Variants in KCNJ14 observed in about 807,000 individuals in gnomAD.
KCNJ14 encodes the protein ATP-sensitive inward rectifier potassium channel 14.
A neutral mutation model predicts 24.5 loss-of-function variants in KCNJ14; 18 were observed. That is an observed-to-expected ratio of 0.74 (90% CI 0.51 to 1.09). KCNJ14 has a LOEUF of 1.09. KCNJ14 is among the 50% of genes least tolerant of loss of function. The pLI is 0.00. For missense variants in KCNJ14, 633 were observed against 623.0 expected (o/e 1.02, Z -0.17); for synonymous variants, 288 against 270.8 (o/e 1.06, Z -0.63).
In KCNJ14 at chr19:48,464,178, C is replaced by T. The variant is rs939703501; in HGVS notation, c.715-3C>T. On this transcript the variant is annotated splice_region_variant and splice_polypyrimidine_tract_variant and intron_variant, in intron 2 of 2. Coordinates refer to ENST00000342291, the MANE Select transcript of KCNJ14 (RefSeq NM_013348.4). ...GTCTTTGGCTCCTCGCCTCCTGCTG[C>T]AGCCCCGTGTGACCCCAGAGGGTGA... 40 of 1,609,904 alleles carry T rather than the reference C, an allele frequency of 2.5e-5. No homozygotes were observed. The highest frequency in any genetic ancestry group is 3.2e-5 in the Non-Finnish European group (38 of 1,176,424).
chr19:48,463,030 A>G (rs1295391255), intron 2 of KCNJ14, among the ~76,000 whole-genome samples: 2 of 152,210 alleles, frequency 1.3e-5, no homozygotes, highest in East Asian at 3.9e-4. Flanking sequence ...TCAGTGGCCC[A>G]TTGTGTCCCA....
chr19:48,459,650 C>T (rs1195283394), intron 1 of KCNJ14, among the ~76,000 whole-genome samples: 1 of 152,172 alleles, frequency 6.6e-6, no homozygotes, highest in East Asian at 1.9e-4. Flanking sequence ...CCTGCTTCAG[C>T]CTCCCAAAGC....
At chr19:48,457,758 A>G (rs936687942) in intron 1 of KCNJ14, among the ~76,000 whole-genome samples, 1 of 151,282 alleles carries the variant, frequency 6.6e-6, no homozygotes, top group Non-Finnish European at 1.5e-5. Flanking sequence ...GCTCACTGCA[A>G]CCTCCACCTC....
In KCNJ14 at chr19:48,466,098, G is replaced by A. The variant is rs1014949162; in HGVS notation, c.*1321G>A. 1.4e-5 allele frequency: 1 copy of A among 72,932 alleles called. No homozygotes were observed. Among genetic ancestry groups the A allele is most frequent in the Non-Finnish European group, 2.8e-5 (1 of 36,362 alleles). The allele number at this position is 72,932 out of a possible 1,614,324, so 4.5% of individuals were successfully genotyped here. A position where few individuals can be genotyped will look rare whatever the true frequency, so the allele number is the denominator to read the frequency against. On this transcript the variant is annotated 3_prime_UTR_variant, in exon 3 of 3. Transcript: ENST00000342291. ...TTCTTTTTCTTTTTTTTTTTTTTTT[G>A]AGACTGAGTCTCGCTCTGCCGCCCA...
At position 48,464,482 on chromosome 19, in the gene KCNJ14, G is replaced by T. The variant is rs143857112; in HGVS notation, c.1016G>T (p.Gly339Val). The T allele has an allele frequency of 1.7e-5, 28 of 1,614,038 alleles. No individual in the cohort carries two copies. Among genetic ancestry groups the T allele is most frequent in the Non-Finnish European group, 2.4e-5 (28 of 1,179,994 alleles). ...HRFEPVLFQR[G>V]SQYEVDYRHF... The stretch of plus-strand genomic sequence containing the variant: ...TTTGAGCCAGTTCTCTTCCAGCGTG[G>T]CTCCCAGTATGAGGTCGACTATCGC... The change falls in exon 3 of 3, where the codon GGC becomes GTC. Residue 339 changes from glycine to valine, a missense_variant. Physicochemically the swap from Gly to Val is moderately radical, Grantham distance 109. Coordinates refer to ENST00000342291, the MANE Select transcript of KCNJ14 (RefSeq NM_013348.4).
Position 48,462,330 on chromosome 19 carries a change from G to C in KCNJ14, c.606G>C (p.Glu202Asp). The C allele has an allele frequency of 1.3e-6, 2 of 1,548,038 alleles. No homozygotes were observed. Among genetic ancestry groups the C allele is most frequent in the Middle Eastern group, 1.8e-4 (1 of 5,564 alleles). ...GCAACGAGACGCTGGTCTTCAGCGAGAACGCCGTCGTGGCGCTGCGCGACC... is the reference window on the plus strand; with the variant it reads ...GCAACGAGACGCTGGTCTTCAGCGACAACGCCGTCGTGGCGCTGCGCGACC... ...KKRNETLVFS[E>D]NAVVALRDHR... Residue 202 changes from glutamate (E) to aspartate (D), a missense_variant, in exon 2 of 3, where the codon GAG becomes GAC. Coordinates refer to ENST00000342291, the MANE Select transcript of KCNJ14 (RefSeq NM_013348.4). This position sits in a 1 kb window ranked among gnomAD's most constrained non-coding sequence, Gnocchi z 4.9.
At position 48,457,957 on chromosome 19, in the gene KCNJ14, A is replaced by T. The variant is rs549584002; in HGVS notation, c.-56+2099A>T. On this transcript the variant is annotated intron_variant, in intron 1 of 2. Coordinates refer to ENST00000342291, the MANE Select transcript of KCNJ14 (RefSeq NM_013348.4). ...TACCTTGGCCTCCCAAAGTCCTGGG[A>T]TTACAGGTGCGAGCCACCGCACCTG... Among the ~76,000 whole-genome samples, 16 of 152,282 alleles carry T rather than the reference A, an allele frequency of 1.1e-4. 1 individual carries two copies. The highest frequency in any genetic ancestry group is 1.0e-3 in the Admixed American group (16 of 15,290).
In KCNJ14 at chr19:48,464,753, C is replaced by T. The variant is rs371118975; in HGVS notation, c.1287C>T (p.Thr429=). Reference sequence around the variant, plus strand: ...CTAGCCCCCGAGTTCTCACACCAACCCTGGCGCTGACCCTGCCTCCATGAT... The same window carrying T: ...CTAGCCCCCGAGTTCTCACACCAACTCTGGCGCTGACCCTGCCTCCATGAT... The part of the protein sequence containing the change: ...GAASPRVLTP[T]LALTLPP Residue 429 remains threonine, a synonymous_variant, in exon 3 of 3, where the codon ACC becomes ACT. Coordinates refer to ENST00000342291, the MANE Select transcript of KCNJ14 (RefSeq NM_013348.4). 5.0e-6 allele frequency: 8 copies of T among 1,605,736 alleles called. No homozygotes were observed. In the African/African-American group the frequency reaches 9.3e-5, roughly 19 times the overall value.
chr19:48,466,075 C>A lies in KCNJ14; in HGVS notation c.*1298C>A, dbSNP rs1347744940. On this transcript the variant is annotated 3_prime_UTR_variant, in exon 3 of 3. Coordinates refer to ENST00000342291, the MANE Select transcript of KCNJ14 (RefSeq NM_013348.4). ...TAGTGATGTGTGTCTATTTCTTTTT[C>A]TTTTTCTTTTTTTTTTTTTTTTGAG... The A allele has an allele frequency of 6.6e-6, 1 of 150,384 alleles. No homozygotes were observed. Among genetic ancestry groups the A allele is most frequent in the Non-Finnish European group, 1.5e-5 (1 of 67,566 alleles). 9.3% of individuals were successfully genotyped at this position (150,384 alleles called of 1,614,324 possible).
Position 48,464,277 on chromosome 19 carries a change from C to T in KCNJ14, c.811C>T (p.Pro271Ser), listed in dbSNP as rs1401198205. 6.2e-7 allele frequency: 1 copy of T among 1,614,018 alleles called. No homozygotes were observed. Among genetic ancestry groups the T allele is most frequent in the Admixed American group, 1.7e-5 (1 of 59,990 alleles). ...CACCGATCGTATCTTCCTCGTGTCC[C>T]CCATCACCATCGTCCATGAGATCGA... ...GGTDRIFLVS[P>S]ITIVHEIDSA... is the part of the protein sequence containing the mutation. Residue 271 changes from proline (P) to serine (S), a missense_variant, in exon 3 of 3, where the codon CCC becomes TCC. Transcript: ENST00000342291.
rs779738857 is a variant in KCNJ14, at chr19:48,461,741, C to T, written c.17C>T (p.Ala6Val). 7 of 1,435,812 alleles carry T rather than the reference C, an allele frequency of 4.9e-6. No individual in the cohort carries two copies. Among genetic ancestry groups the T allele is most frequent in the Admixed American group, 3.0e-5 (1 of 33,342 alleles). The allele number at this position is 1,435,812 out of a possible 1,614,324, so 88.9% of individuals were successfully genotyped here. Reference protein sequence around the residue: MGLARALRRLSGALDS... With the variant: MGLARVLRRLSGALDS... ...CTCCGTCCAATGGGCCTGGCCAGGG[C>T]CCTACGCCGCCTCAGCGGCGCCCTG... Residue 6 changes from alanine (A) to valine (V), a missense_variant, in exon 2 of 3, where the codon GCC becomes GTC. Ala to Val is a moderately conservative substitution (Grantham distance 64). Transcript: ENST00000342291.
At chr19:48,459,687 G>A (rs768483028) in intron 1 of KCNJ14, among the ~76,000 whole-genome samples, 9 of 151,988 alleles carry the variant, frequency 5.9e-5, no homozygotes, top group Non-Finnish European at 1.2e-4. Context: ...GTACCACCTC[G>A]CCTGGCCTCT....
rs1351559118 is a variant in KCNJ14 at position 48,462,775 on chromosome 19, C to CT, written c.714+338dup. The stretch of plus-strand genomic sequence containing the variant: ...CCCAGAAGCCTCTGGGTCAAGGGAC[C>CT]TGTCCAAAGATGGGGTGGCCTCAGA... On this transcript the variant is annotated intron_variant, in intron 2 of 2. Transcript: ENST00000342291. This position sits in a 1 kb window ranked among gnomAD's most constrained non-coding sequence, Gnocchi z 4.9. Among the ~76,000 whole-genome samples the CT allele has an allele frequency of 6.6e-6, 1 of 152,196 alleles. No individual in the cohort carries two copies. The highest frequency in any genetic ancestry group is 1.5e-5 in the Non-Finnish European group (1 of 68,038).
Position 48,462,413 on chromosome 19 carries a change from C to A in KCNJ14, c.689C>A (p.Ala230Asp), listed in dbSNP as rs1569083906. The A allele has an allele frequency of 6.7e-7, 1 of 1,497,802 alleles. No homozygotes were observed. The highest frequency in any genetic ancestry group is 1.4e-5 in the African/African-American group (1 of 71,848). The allele number at this position is 1,497,802 out of a possible 1,614,324, so 92.8% of individuals were successfully genotyped here. ...GNLRRSHLVE[A>D]HVRAQLLQPR... ...CTGCGCCGCAGCCACCTGGTCGAGG[C>A]CCACGTGCGTGCCCAGCTGCTGCAG... The change falls in exon 2 of 3, where the codon GCC (alanine) becomes GAC (aspartate). Residue 230 changes from alanine (A) to aspartate (D), a missense_variant. Transcript: ENST00000342291. This position sits in a 1 kb window ranked among gnomAD's most constrained non-coding sequence, Gnocchi z 4.9.
rs1425305975 is a variant in KCNJ14, at chr19:48,455,755, CT to C, written c.-158del. 1.3e-5 allele frequency: 2 copies of C among 152,302 alleles called. No homozygotes were observed. Among genetic ancestry groups the C allele is most frequent in the Admixed American group, 6.5e-5 (1 of 15,284 alleles). The allele number at this position is 152,302 out of a possible 1,614,324, so 9.4% of individuals were successfully genotyped here. A position where few individuals can be genotyped will look rare whatever the true frequency, so the allele number is the denominator to read the frequency against. ...GCTTAGGACCCAACCAGCATTCCCC[CT>C]GGCACTGCGGGGGCCTGGCCAGCTC... On this transcript the variant is annotated 5_prime_UTR_variant, in exon 1 of 3. Transcript: ENST00000342291.
At chr19:48,463,522 C>G (rs942921812) in intron 2 of KCNJ14, among the ~76,000 whole-genome samples, 1 of 152,130 alleles carries the variant, frequency 6.6e-6, no homozygotes, top group Non-Finnish European at 1.5e-5. Flanking sequence ...CCCACACCCC[C>G]ACAAAGCGTG....
At chr19:48,461,366 A>AT in intron 1 of KCNJ14, 1 of 36,364 alleles carries the variant, frequency 2.7e-5, no homozygotes, top group Non-Finnish European at 4.1e-5. Context: ...GAAAAAAGTT[A>AT]AAAAAAAAAT....
intron 1 of KCNJ14, among the ~76,000 whole-genome samples, chr19:48,457,726 C>T (rs925285082): frequency 1.3e-5 from 2 of 151,900 alleles, no homozygotes; most frequent in East Asian, 1.9e-4. Context: ...CGCCCAAGCT[C>T]GAGTGCACTC....
Position 48,461,687 on chromosome 19 carries a change from C to G in KCNJ14, c.-38C>G. The G allele has an allele frequency of 7.7e-7, 1 of 1,306,580 alleles. No homozygotes were observed. The highest frequency in any genetic ancestry group is 9.9e-7 in the Non-Finnish European group (1 of 1,008,670). The allele number at this position is 1,306,580 out of a possible 1,614,324, so 80.9% of individuals were successfully genotyped here. A position where few individuals can be genotyped will look rare whatever the true frequency, so the allele number is the denominator to read the frequency against. The stretch of plus-strand genomic sequence containing the variant: ...TGTCCCAGCAGGTTGGGGGCGCCTG[C>G]CCCCCACTAGGCCAAGTGGAGGGGG... On this transcript the variant is annotated 5_prime_UTR_variant, in exon 2 of 3. Coordinates refer to ENST00000342291, the MANE Select transcript of KCNJ14 (RefSeq NM_013348.4).
Sources: gnomAD v4.1 joint callset for allele counts (sites outside exome capture counted in the v4.1 genomes callset) on GRCh38, gnomAD v4.1.1 for gene constraint, Gnocchi (gnomAD v3.1) non-coding constraint, MANE v1.5 for transcripts, NCBI Gene and HGNC (gene_info 2026-07-23, HGNC 2026-07-21) for gene names.